The following ABCC1 variants were observed in gnomAD, a reference collection of about 807,000 sequenced individuals.
ABCC1 encodes ATP binding cassette subfamily C member 1 (ABCC1 blood group), also known as multidrug resistance-associated protein 1.
Under a neutral mutation model 172.9 loss-of-function variants are expected in ABCC1, and 83 were observed. The ratio of observed to expected loss-of-function variants is 0.48; its 90% confidence interval spans 0.40 to 0.58. The LOEUF is 0.58. Among genes scored for constraint, ABCC1 ranks in the 20% least tolerant of loss-of-function variants. The pLI, the probability that ABCC1 is intolerant of heterozygous loss-of-function variation, is 0.00. For synonymous variants in ABCC1, 937 were observed against 825.2 expected, an observed-to-expected ratio of 1.14 and a Z score of -2.32; for missense variants, 1,817 against 2,002.7, an observed-to-expected ratio of 0.91 and a Z score of 1.77.
chr16:15,987,880 G>A (rs152027), intron 1 of ABCC1, among the ~76,000 whole-genome samples: 80,744 of 151,930 alleles, frequency 0.53, 22,633 homozygotes, highest in South Asian at 0.71. Flanking sequence ...CTTTGCACTG[G>A]CTGTTTTCTC....
intron 1 of ABCC1, among the ~76,000 whole-genome samples, chr16:15,978,459 G>A (rs956949620): frequency 4.6e-5 from 7 of 152,080 alleles, no homozygotes; most frequent in Admixed American, 1.3e-4. Flanking sequence ...TTTTTGCTTT[G>A]TGAAACTCTT....
intron 17 of ABCC1, among the ~76,000 whole-genome samples, chr16:16,085,121 TG>T (rs1318667822): frequency 6.6e-6 from 1 of 152,138 alleles, no homozygotes; most frequent in Non-Finnish European, 1.5e-5. Flanking sequence ...GTGTCCATGT[TG>T]TTACCTGCTC....
At chr16:16,126,351 T>A (rs2045433908) in intron 26 of ABCC1, among the ~76,000 whole-genome samples, 1 of 152,156 alleles carries the variant, frequency 6.6e-6, no homozygotes, top group Non-Finnish European at 1.5e-5. Context: ...ACGGATTCTG[T>A]CTATCAGAAA....
At chr16:16,117,125 G>A (rs547513029) in intron 23 of ABCC1, among the ~76,000 whole-genome samples, 1 of 152,292 alleles carries the variant, frequency 6.6e-6, no homozygotes, top group East Asian at 1.9e-4. Context: ...ATGTGTGTTA[G>A]TTTGTCCTCA....
At chr16:16,080,261 ATTCTT>A (rs1233004635) in intron 16 of ABCC1, among the ~76,000 whole-genome samples, 1 of 152,118 alleles carries the variant, frequency 6.6e-6, no homozygotes, top group Non-Finnish European at 1.5e-5. Context: ...CTGAGTATCT[ATTCTT>A]ATAAATGTAA....
intron 28 of ABCC1, 113 bp downstream of exon 28, chr16:16,134,621 CGTTCT>C (rs1250818965): frequency 3.0e-5 from 15 of 495,066 alleles, no homozygotes; most frequent in African/African-American, 2.3e-4. Context: ...CCTACTTCAT[CGTTCT>C]TTTTTTTTTT....
In ABCC1 at chr16:15,950,149, G is replaced by A. The variant is rs993756540; in HGVS notation, c.48+350G>A. 5.3e-5 allele frequency among the ~76,000 whole-genome samples: 8 copies of A among 152,176 alleles called. 1 individual carries two copies. The highest frequency in any genetic ancestry group is 1.7e-4 in the African/African-American group (7 of 41,506). ...AAGGGGACGCTAGAGATGGGGGGCGGGAAGAGGGGTGTCTCTCTGCTTCTG... is the reference window on the plus strand; with the variant it reads ...AAGGGGACGCTAGAGATGGGGGGCGAGAAGAGGGGTGTCTCTCTGCTTCTG... On this transcript the variant is annotated intron_variant, in intron 1 of 30. Transcript: ENST00000399410.
At chr16:16,136,377 C>T (rs2045917607) in intron 28 of ABCC1, 101 bp from the exon 29 acceptor site, 3 of 1,311,824 alleles carry the variant, frequency 2.3e-6, no homozygotes, top group Admixed American at 2.4e-5. Flanking sequence ...AGCTCTGATA[C>T]CCCACCTTCA....
chr16:16,096,011 A>G (rs1336218742), intron 19 of ABCC1, among the ~76,000 whole-genome samples: 2 of 152,192 alleles, frequency 1.3e-5, no homozygotes, highest in Non-Finnish European at 2.9e-5. Context: ...TCATATGTGT[A>G]ATGCCAGGAC....
intron 9 of ABCC1, among the ~76,000 whole-genome samples, chr16:16,046,382 T>C (rs1177593796): frequency 1.3e-5 from 2 of 151,940 alleles, no homozygotes; most frequent in Non-Finnish European, 2.9e-5. Flanking sequence ...TCTCACTCTC[T>C]CCCCCAGACT....
At chr16:16,040,064 T>TTGTATGTC (rs2048915653) in intron 7 of ABCC1, among the ~76,000 whole-genome samples, 1 of 134,780 alleles carries the variant, frequency 7.4e-6, no homozygotes, top group African/African-American at 3.0e-5. Context: ...GTTTGTTTGT[T>TTGTATGTC]TGTATGTATG....
At chr16:16,052,666 T>TA (rs2049478505) in intron 10 of ABCC1, 58 bp from the exon 11 acceptor site, 23 of 1,559,372 alleles carry the variant, frequency 1.5e-5, no homozygotes, top group Non-Finnish European at 1.9e-5. Flanking sequence ...GGGAAGCTGT[T>TA]ACGGGCCCTG....
intron 14 of ABCC1, among the ~76,000 whole-genome samples, chr16:16,073,611 T>G (rs1234255306): frequency 6.6e-6 from 1 of 152,002 alleles, no homozygotes; most frequent in African/African-American, 2.4e-5. Flanking sequence ...AAAATTAAAT[T>G]CACCAGGCAT....
In ABCC1 at chr16:16,103,781, T is replaced by C. The variant is rs772053103; in HGVS notation, c.2735+1064T>C. 5.5e-4 allele frequency among the ~76,000 whole-genome samples: 83 copies of C among 152,160 alleles called. 1 individual carries two copies. The highest frequency in any genetic ancestry group is 1.6e-4 in the Non-Finnish European group (11 of 68,030). On this transcript the variant is annotated intron_variant, in intron 20 of 30. Coordinates refer to ENST00000399410, the MANE Select transcript of ABCC1 (RefSeq NM_004996.4). ...CTGGAACAGACAAACACTTCGTAGA[T>C]GTCGCTTTTGCCATGGTTATCATCC...
intron 1 of ABCC1, among the ~76,000 whole-genome samples, chr16:15,967,866 T>G (rs183209042): frequency 7.2e-5 from 11 of 152,226 alleles, no homozygotes; most frequent in Admixed American, 2.0e-4. Flanking sequence ...TATACATATT[T>G]TGGAAGTTCC....
Position 16,142,434 on chromosome 16 carries a change from T to A in ABCC1, c.*1153T>A, listed in dbSNP as rs1001957047. ...CGAAATACCTCCCAAGTATTACCAG[T>A]GGGTACCAAAAAAATGTCCCCTTGA... On this transcript the variant is annotated 3_prime_UTR_variant, in exon 31 of 31. Transcript: ENST00000399410. 4 of 152,206 alleles carry A rather than the reference T, an allele frequency of 2.6e-5. No homozygotes were observed. The highest frequency in any genetic ancestry group is 4.8e-5 in the African/African-American group (2 of 41,462). The allele number at this position is 152,206 out of a possible 1,614,324, so 9.4% of individuals were successfully genotyped here.
At chr16:15,983,646 C>A (rs2046679673) in intron 1 of ABCC1, among the ~76,000 whole-genome samples, 1 of 150,104 alleles carries the variant, frequency 6.7e-6, no homozygotes. Flanking sequence ...GCCTTGACTT[C>A]CCAGGTTCAA....
chr16:15,979,490 T>TTCTC (rs969384546), intron 1 of ABCC1, among the ~76,000 whole-genome samples: 2 of 145,318 alleles, frequency 1.4e-5, no homozygotes, highest in Non-Finnish European at 3.0e-5. Flanking sequence ...CTGGGGCTTA[T>TTCTC]TCTCTCTCTC....
chr16:15,982,333 G>A (rs1481272774), intron 1 of ABCC1, among the ~76,000 whole-genome samples: 2 of 152,040 alleles, frequency 1.3e-5, no homozygotes, highest in East Asian at 1.9e-4. Flanking sequence ...GATTTAGTTG[G>A]CCCACAGTTC....
Sources: allele counts gnomAD v4.1 joint callset (sites outside exome capture counted in the v4.1 genomes callset), GRCh38; gene constraint gnomAD v4.1.1; transcripts MANE v1.5; gene names NCBI Gene and HGNC (gene_info 2026-07-23, HGNC 2026-07-21).